DNAH9: variants seen among roughly 807,000 people sequenced by gnomAD.
The protein encoded by DNAH9 is dynein axonemal heavy chain 9.
Under a neutral mutation model 471.6 loss-of-function variants are expected in DNAH9, and 345 were observed. The observed-to-expected ratio is 0.73, with a 90% CI of 0.67 to 0.80. The LOEUF (loss-of-function observed/expected upper bound fraction) is 0.80, where lower values mean the gene tolerates loss of function less well. DNAH9 is among the 30% of genes least tolerant of loss of function. DNAH9 has a pLI of 0.00. For synonymous variants in DNAH9, 2,093 were observed against 2,123.6 expected (o/e 0.99, Z 0.40); for missense variants, 5,407 against 5,609.2 (o/e 0.96, Z 1.15).
chr17:11,874,757 GA>G (rs34987580), intron 52 of DNAH9, among the ~76,000 whole-genome samples, 191 bp from the exon 53 acceptor site: 16 of 149,042 alleles, frequency 1.1e-4, no homozygotes, highest in Non-Finnish European at 1.6e-4. Context: ...CCATGGAGGG[GA>G]AAAAAAAAAG....
chr17:11,598,889 G>A lies in DNAH9; in HGVS notation c.391G>A (p.Glu131Lys), dbSNP rs2150619665. The change falls in exon 1 of 69, where the codon GAG (glutamate) becomes AAG (lysine). Residue 131 changes from glutamate to lysine, a missense_variant. Physicochemically the swap from Glu to Lys is moderately conservative, Grantham distance 56. Coordinates refer to ENST00000262442, the MANE Select transcript of DNAH9 (RefSeq NM_001372.4). ...CGGGGACCTGCCCGCGGCACCTCTG[G>A]AGCACCTAGCCGCGCTGTTCTCGGA... ...VCGDLPAAPL[E>K]HLAALFSEVV... 1 of 1,541,064 alleles carries A rather than the reference G, an allele frequency of 6.5e-7. No individual in the cohort carries two copies. The highest frequency in any genetic ancestry group is 1.2e-5 in the South Asian group (1 of 84,972).
intron 62 of DNAH9, among the ~76,000 whole-genome samples, chr17:11,924,163 T>C (rs1220664093): frequency 1.3e-5 from 2 of 152,098 alleles, no homozygotes; most frequent in Admixed American, 1.3e-4. Flanking sequence ...GCTCTGTCAC[T>C]CTCTCTAGTT....
At chr17:11,601,077 C>G (rs2072376032) in intron 1 of DNAH9, among the ~76,000 whole-genome samples, 1 of 152,196 alleles carries the variant, frequency 6.6e-6, no homozygotes, top group Non-Finnish European at 1.5e-5. Flanking sequence ...ACTTATGTCA[C>G]TTAGCATAAT....
Position 11,610,441 on chromosome 17 carries a change from A to T in DNAH9, c.660A>T (p.Ala220=). ...DKSVIYAIES[A]VIKWSYQVQV... ...CAGTCATCTATGCCATTGAGTCTGC[A>T]GTGATCAAATGGAGCTACCAAGTCC... The change falls in exon 3 of 69, where the codon GCA becomes GCT. Residue 220 remains alanine (A), a synonymous_variant. Coordinates refer to ENST00000262442, the MANE Select transcript of DNAH9 (RefSeq NM_001372.4). 1 of 1,613,652 alleles carries T rather than the reference A, an allele frequency of 6.2e-7. No homozygotes were observed. The highest frequency in any genetic ancestry group is 8.5e-7 in the Non-Finnish European group (1 of 1,179,666).
rs186296536 is a variant in DNAH9, at chr17:11,758,613, A to G, written c.6995+921A>G. 4.9e-4 allele frequency among the ~76,000 whole-genome samples: 75 copies of G among 152,176 alleles called. 1 individual carries two copies. Among genetic ancestry groups the G allele is most frequent in the Middle Eastern group, 3.4e-3 (1 of 294 alleles). Reference sequence around the variant, plus strand: ...AGCATGGGATATGATTGTGCCTCCAATGGTTTGCAAGCATGGAGGCCAAGG... The same window carrying G: ...AGCATGGGATATGATTGTGCCTCCAGTGGTTTGCAAGCATGGAGGCCAAGG... On this transcript the variant is annotated intron_variant, in intron 35 of 68. Transcript: ENST00000262442.
chr17:11,902,903 A>G lies in DNAH9; in HGVS notation c.11591A>G (p.Tyr3864Cys), dbSNP rs531080995. The change falls in exon 60 of 69, where the codon TAT (tyrosine) becomes TGT (cysteine). Residue 3864 changes from tyrosine to cysteine, a missense_variant. Around this residue, in one of 3 missense-constraint regions of DNAH9, gnomAD observed 4,636 missense variants for 4,900.3 expected, o/e 0.95. Coordinates refer to ENST00000262442, the MANE Select transcript of DNAH9 (RefSeq NM_001372.4). ...LRAMRPDRMT[Y>C]ALRDFVEEKL... ...GCCATGCGGCCCGACCGGATGACCT[A>G]TGCTTTGCGGTAGGAAACAGGGTGG... is the stretch of plus-strand genomic sequence containing the variant. 252 of 1,612,880 alleles carry G rather than the reference A, an allele frequency of 1.6e-4. No individual in the cohort carries two copies. The South Asian group carries it at 2.3e-3, about 15-fold the overall frequency.
intron 53 of DNAH9, among the ~76,000 whole-genome samples, chr17:11,878,647 C>T (rs1010317147): frequency 2.0e-5 from 3 of 152,084 alleles, no homozygotes; most frequent in Non-Finnish European, 4.4e-5. Context: ...CCTCGACCTC[C>T]GGGGTTCAAG....
intron 1 of DNAH9, among the ~76,000 whole-genome samples, chr17:11,601,683 C>T (rs1417993689): frequency 6.6e-6 from 1 of 152,120 alleles, no homozygotes; most frequent in Non-Finnish European, 1.5e-5. Context: ...GGCTTGTTGG[C>T]CTCCCATCTG....
intron 14 of DNAH9, among the ~76,000 whole-genome samples, chr17:11,661,748 A>G (rs1367638085): frequency 3.3e-5 from 5 of 152,088 alleles, no homozygotes; most frequent in Non-Finnish European, 7.4e-5. Flanking sequence ...ATATTTATAT[A>G]TATGCACACA....
chr17:11,750,504 A>G (rs1967102755), intron 32 of DNAH9, among the ~76,000 whole-genome samples: 1 of 152,172 alleles, frequency 6.6e-6, no homozygotes, highest in Admixed American at 6.5e-5. Flanking sequence ...TTCATGTAAC[A>G]TTTCCAAAAA....
In DNAH9 at chr17:11,787,035, C is replaced by T. The variant is rs192633479; in HGVS notation, c.8061+2496C>T. ...GCTCATAGCTTGACCACAGTCTCCT[C>T]CTACCTGCTGTGAAAAGAAAAACCT... is the stretch of plus-strand genomic sequence containing the variant. On this transcript the variant is annotated intron_variant, in intron 41 of 68. Transcript: ENST00000262442. Among the ~76,000 whole-genome samples the T allele has an allele frequency of 1.1e-3, 165 of 152,312 alleles. 1 individual carries two copies. The highest frequency in any genetic ancestry group is 7.1e-4 in the Non-Finnish European group (48 of 68,036).
intron 66 of DNAH9, among the ~76,000 whole-genome samples, chr17:11,940,535 C>T (rs1048744191): frequency 2.0e-5 from 3 of 152,132 alleles, no homozygotes; most frequent in East Asian, 1.9e-4. Flanking sequence ...CATTAAAATC[C>T]GATTCCAGTT....
chr17:11,715,066 A>G (rs1453152759), intron 26 of DNAH9, among the ~76,000 whole-genome samples: 1 of 152,238 alleles, frequency 6.6e-6, no homozygotes, highest in Non-Finnish European at 1.5e-5. Flanking sequence ...ACAGCAATAG[A>G]AAATTAATAC....
At chr17:11,963,652 A>G (rs745879255) in intron 68 of DNAH9, among the ~76,000 whole-genome samples, 8 of 147,958 alleles carry the variant, frequency 5.4e-5, no homozygotes, top group Admixed American at 1.4e-4. Flanking sequence ...TGTATCTAAG[A>G]GTTGAAATTT....
rs940765302 is a variant in DNAH9, at chr17:11,652,205, C to T, written c.2354-556C>T. ...AAGATTGCATTCCCTAGCAGCTGTA[C>T]CAGCTTTTGTGTGCTTGGTAAGTAA... On this transcript the variant is annotated intron_variant, in intron 13 of 68. Transcript: ENST00000262442. Among the ~76,000 whole-genome samples the T allele has an allele frequency of 2.0e-5, 3 of 151,580 alleles. 1 individual carries two copies. The highest frequency in any genetic ancestry group is 1.3e-4 in the Admixed American group (2 of 15,204).
chr17:11,871,141 C>T (rs570512851), intron 51 of DNAH9, among the ~76,000 whole-genome samples: 1 of 152,288 alleles, frequency 6.6e-6, no homozygotes, highest in East Asian at 1.9e-4. Flanking sequence ...TCAATTAGCA[C>T]ATCTGTCTCC....
At chr17:11,614,752 C>G (rs1217391547) in intron 4 of DNAH9, among the ~76,000 whole-genome samples, 1 of 142,330 alleles carries the variant, frequency 7.0e-6, no homozygotes, top group Non-Finnish European at 1.5e-5. Flanking sequence ...GAGAGGAACT[C>G]TGTGTCCTTA....
At chr17:11,708,002 C>CAG (rs2074745922) in intron 26 of DNAH9, among the ~76,000 whole-genome samples, 1 of 49,798 alleles carries the variant, frequency 2.0e-5, no homozygotes, top group East Asian at 7.5e-4. Context: ...CACACACACA[C>CAG]ACACACACAC....
intron 49 of DNAH9, among the ~76,000 whole-genome samples, chr17:11,851,371 T>C (rs1971416643): frequency 6.6e-6 from 1 of 151,910 alleles, no homozygotes; most frequent in African/African-American, 2.4e-5. Flanking sequence ...CCCTTCTCAG[T>C]CTCCCAAAGT....
Sources: allele counts gnomAD v4.1 joint callset (sites outside exome capture counted in the v4.1 genomes callset), GRCh38; gene constraint gnomAD v4.1.1; regional missense constraint gnomAD v4.1.1; transcripts MANE v1.5; gene names NCBI Gene and HGNC (gene_info 2026-07-23, HGNC 2026-07-21).